Variants in RPS6KA5 observed in about 807,000 individuals in gnomAD.
The protein encoded by RPS6KA5 is ribosomal protein S6 kinase A5.
RPS6KA5 carries 27 observed loss-of-function variants against 85.5 expected under a neutral mutation model. The ratio of observed to expected loss-of-function variants is 0.32; its 90% confidence interval spans 0.23 to 0.44. RPS6KA5 has a LOEUF of 0.44. Among genes scored for constraint, RPS6KA5 ranks in the 20% least tolerant of loss-of-function variants. The pLI is 1.00. For synonymous variants in RPS6KA5, 334 were observed against 348.2 expected (o/e 0.96, Z 0.46); for missense variants, 811 against 980.9 (o/e 0.83, Z 2.31).
At chr14:90,902,343 G>C (rs1234787112) in intron 9 of RPS6KA5, among the ~76,000 whole-genome samples, 1 of 151,924 alleles carries the variant, frequency 6.6e-6, no homozygotes, top group East Asian at 1.9e-4. Flanking sequence ...AAATTAGCTG[G>C]GTGTGCTGGT....
At chr14:90,944,838 G>A (rs932873588) in intron 4 of RPS6KA5, among the ~76,000 whole-genome samples, 1 of 151,964 alleles carries the variant, frequency 6.6e-6, no homozygotes, top group African/African-American at 2.4e-5. Context: ...AGGATCACTT[G>A]AGCTCAGGGT....
In RPS6KA5 at chr14:90,978,347, T is replaced by A. The variant is rs770831665; in HGVS notation, c.353A>T (p.His118Leu). 6.2e-7 allele frequency: 1 copy of A among 1,613,322 alleles called. No individual in the cohort carries two copies. ...TTTGGTTTCTGTCTGGAAAGCATAA[T>A]GTAATGTTACCAAAAATGGCGACTG... is the stretch of plus-strand genomic sequence containing the variant. ...IRQSPFLVTL[H>L]YAFQTETKLH... Residue 118 changes from histidine (H) to leucine (L), a missense_variant, in exon 3 of 17, where the codon CAT becomes CTT. His to Leu is a moderately conservative substitution (Grantham distance 99, BLOSUM62 -3). This residue lies in a region of RPS6KA5 where 48 missense variants were observed against 87.6 expected (regional missense o/e 0.55). Transcript: ENST00000614987.
At chr14:90,930,329 A>C (rs1782564058) in intron 5 of RPS6KA5, among the ~76,000 whole-genome samples, 1 of 152,216 alleles carries the variant, frequency 6.6e-6, no homozygotes, top group African/African-American at 2.4e-5. Flanking sequence ...AGATTAACTG[A>C]CTAGTCAACA....
intron 14 of RPS6KA5, among the ~76,000 whole-genome samples, chr14:90,883,266 A>G (rs1405987425): frequency 6.6e-6 from 1 of 151,958 alleles, no homozygotes; most frequent in African/African-American, 2.4e-5. Flanking sequence ...CCGACAATGC[A>G]TATGTTGGTC....
chr14:90,989,049 A>G (rs1314963132), intron 2 of RPS6KA5, among the ~76,000 whole-genome samples: 1 of 152,206 alleles, frequency 6.6e-6, no homozygotes, highest in Non-Finnish European at 1.5e-5. Flanking sequence ...ATAAATAAAT[A>G]ATCTCTTCTT....
At chr14:91,027,102 G>A (rs777010022) in intron 1 of RPS6KA5, among the ~76,000 whole-genome samples, 3 of 152,152 alleles carry the variant, frequency 2.0e-5, no homozygotes, top group African/African-American at 7.2e-5. Flanking sequence ...TTCTTCTGCT[G>A]TGCAGAAATT....
rs777773959 is a variant in RPS6KA5 at position 90,873,640 on chromosome 14, T to C, written c.2152A>G (p.Thr718Ala). 4 of 1,613,788 alleles carry C rather than the reference T, an allele frequency of 2.5e-6. No individual in the cohort carries two copies. Among genetic ancestry groups the C allele is most frequent in the East Asian group, 2.2e-5 (1 of 44,866 alleles). ...AGAGCACAGGGCCTTACGTGGAAGG[T>C]TGCTTTCACACAGGTATGCACGGCA... ...GAAVHTCVKA[T>A]FHAFNKYKRE... The change falls in exon 16 of 17, where the codon ACC becomes GCC. Residue 718 changes from threonine to alanine, a missense_variant. Thr to Ala is a moderately conservative substitution (Grantham distance 58). Transcript: ENST00000614987.
At chr14:90,917,326 TGGAAAA>T (rs1426154473) in intron 7 of RPS6KA5, among the ~76,000 whole-genome samples, 65 of 146,204 alleles carry the variant, frequency 4.4e-4, no homozygotes, top group African/African-American at 1.5e-3. Context: ...TAGCCTGTCC[TGGAAAA>T]GGTACACTTT....
At chr14:91,007,750 G>C (rs929756990) in intron 1 of RPS6KA5, among the ~76,000 whole-genome samples, 8 of 151,176 alleles carry the variant, frequency 5.3e-5, no homozygotes, top group African/African-American at 1.9e-4. Context: ...GATATGAGGT[G>C]GTGATTGATG....
chr14:90,920,574 A>G (rs1159349260), intron 6 of RPS6KA5, among the ~76,000 whole-genome samples: 1 of 151,928 alleles, frequency 6.6e-6, no homozygotes, highest in African/African-American at 2.4e-5. Context: ...AACTTTATAT[A>G]AATTTTTAAA....
At chr14:90,959,237 T>C (rs543848159) in intron 3 of RPS6KA5, among the ~76,000 whole-genome samples, 1 of 152,302 alleles carries the variant, frequency 6.6e-6, no homozygotes, top group Middle Eastern at 3.4e-3. Context: ...GTCATCTATG[T>C]GAACAGTTGC....
At chr14:90,950,217 T>C (rs567763818) in intron 3 of RPS6KA5, among the ~76,000 whole-genome samples, 8 of 152,374 alleles carry the variant, frequency 5.3e-5, no homozygotes, top group African/African-American at 1.7e-4. Context: ...TAACTTCATT[T>C]TCAGACTGTT....
chr14:90,882,861 G>C (rs2033941372), intron 14 of RPS6KA5, among the ~76,000 whole-genome samples: 1 of 151,416 alleles, frequency 6.6e-6, no homozygotes, highest in African/African-American at 2.4e-5. Context: ...ACTCTGTCAT[G>C]ATCTCAGCTC....
intron 4 of RPS6KA5, among the ~76,000 whole-genome samples, chr14:90,946,518 C>T (rs1409994404): frequency 6.6e-6 from 1 of 152,162 alleles, no homozygotes; most frequent in African/African-American, 2.4e-5. Flanking sequence ...ACCTTGCTGC[C>T]TGCCCCTTTA....
intron 8 of RPS6KA5, among the ~76,000 whole-genome samples, chr14:90,903,999 G>T (rs556648149): frequency 8.0e-4 from 121 of 151,648 alleles, no homozygotes; most frequent in African/African-American, 1.1e-3. Flanking sequence ...CAGGCTGGAG[G>T]GCAGTGGCGC....
At chr14:91,001,203 TAGA>T (rs1358619679) in intron 1 of RPS6KA5, 44 bp from the exon 2 acceptor site, 2 of 1,265,186 alleles carry the variant, frequency 1.6e-6, no homozygotes, top group Non-Finnish European at 2.3e-6. Context: ...GGGTCAGCAA[TAGA>T]AGGAGGCTCC....
At chr14:91,049,337 G>T (rs186460692) in intron 1 of RPS6KA5, among the ~76,000 whole-genome samples, 1 of 152,158 alleles carries the variant, frequency 6.6e-6, no homozygotes, top group African/African-American at 2.4e-5. Flanking sequence ...CAAGTCGGCC[G>T]GGCGCGGTGG....
intron 3 of RPS6KA5, among the ~76,000 whole-genome samples, chr14:90,969,699 A>T (rs2039233550): frequency 6.6e-6 from 1 of 152,182 alleles, no homozygotes; most frequent in Non-Finnish European, 1.5e-5. Flanking sequence ...ACTTATTTCC[A>T]GTAATACTCT....
chr14:91,025,909 C>A (rs539844539), intron 1 of RPS6KA5, among the ~76,000 whole-genome samples: 90 of 151,784 alleles, frequency 5.9e-4, no homozygotes, highest in African/African-American at 2.2e-3. Flanking sequence ...CAGTGTAATG[C>A]TGAGATGTGG....
Sources: gnomAD v4.1 joint callset for allele counts (sites outside exome capture counted in the v4.1 genomes callset) on GRCh38, gnomAD v4.1.1 for gene constraint, gnomAD v4.1.1 regional missense constraint, MANE v1.5 for transcripts, NCBI Gene and HGNC (gene_info 2026-07-23, HGNC 2026-07-21) for gene names.